The following GRM7 variants were observed in gnomAD, a reference collection of about 807,000 sequenced individuals.
GRM7 encodes glutamate metabotropic receptor 7.
Under a neutral mutation model 84.5 loss-of-function variants are expected in GRM7, and 35 were observed. That is an observed-to-expected ratio of 0.41 (90% confidence interval 0.32 to 0.55). The LOEUF (loss-of-function observed/expected upper bound fraction) is 0.55, where lower values mean the gene tolerates loss of function less well. Among genes scored for constraint, GRM7 ranks in the 20% least tolerant of loss-of-function variants. GRM7 has a pLI of 0.19. For synonymous variants in GRM7, 487 were observed against 455.1 expected (o/e 1.07, Z -0.89); for missense variants, 1,003 against 1,194.6 (o/e 0.84, Z 2.36).
At chr3:7,049,265 AG>A (rs1267367315) in intron 1 of GRM7, among the ~76,000 whole-genome samples, 8 of 152,004 alleles carry the variant, frequency 5.3e-5, no homozygotes, top group Admixed American at 1.3e-4. Flanking sequence ...TGCGCAATTT[AG>A]AAACAAAAGA....
At chr3:7,274,444 T>C (rs1030744119) in intron 2 of GRM7, among the ~76,000 whole-genome samples, 1 of 152,128 alleles carries the variant, frequency 6.6e-6, no homozygotes, top group African/African-American at 2.4e-5. Context: ...GCAGGCCTAC[T>C]GGAAATAAAT....
At chr3:7,041,168 A>G (rs1395765405) in intron 1 of GRM7, among the ~76,000 whole-genome samples, 1 of 152,154 alleles carries the variant, frequency 6.6e-6, no homozygotes, top group African/African-American at 2.4e-5. Flanking sequence ...TTAAGCACAA[A>G]TAAAGTGAAC....
intron 7 of GRM7, among the ~76,000 whole-genome samples, chr3:7,516,500 AAAAAAG>A (rs1482189291): frequency 3.4e-5 from 5 of 147,406 alleles, no homozygotes; most frequent in African/African-American, 1.3e-4. Flanking sequence ...AAAAAAAAAA[AAAAAAG>A]AAATAGTTAG....
At chr3:6,902,882 C>CACA (rs60680312) in intron 1 of GRM7, among the ~76,000 whole-genome samples, 2 of 150,280 alleles carry the variant, frequency 1.3e-5, no homozygotes, top group African/African-American at 4.9e-5. Flanking sequence ...CACACACACA[C>CACA]CCCTACTCTA....
chr3:7,595,760 A>G (rs1696011610), intron 8 of GRM7, among the ~76,000 whole-genome samples: 1 of 152,106 alleles, frequency 6.6e-6, no homozygotes, highest in Admixed American at 6.6e-5. Flanking sequence ...GGTAGGCGCC[A>G]AGGCAGGGGT....
At chr3:7,276,235 G>A (rs1280668387) in intron 2 of GRM7, among the ~76,000 whole-genome samples, 1 of 151,116 alleles carries the variant, frequency 6.6e-6, no homozygotes, top group South Asian at 2.1e-4. Context: ...GTGTGTGTGT[G>A]TGTGTGTGTG....
chr3:7,458,397 G>C (rs1390216269), intron 6 of GRM7, among the ~76,000 whole-genome samples: 1 of 152,146 alleles, frequency 6.6e-6, no homozygotes, highest in African/African-American at 2.4e-5. Flanking sequence ...TGAACACAAT[G>C]CTTCTTATTC....
intron 1 of GRM7, among the ~76,000 whole-genome samples, chr3:7,036,410 G>A (rs1452924585): frequency 6.6e-6 from 1 of 152,136 alleles, no homozygotes; most frequent in Admixed American, 6.5e-5. Context: ...ACGATGGCAT[G>A]AACAGTAATT....
chr3:7,576,713 A>G (rs894459691), intron 7 of GRM7, among the ~76,000 whole-genome samples: 4 of 152,248 alleles, frequency 2.6e-5, no homozygotes, highest in African/African-American at 9.6e-5. Flanking sequence ...AATTAACTAC[A>G]TATGGAGAAA....
chr3:7,086,378 A>G (rs74939956), intron 1 of GRM7, among the ~76,000 whole-genome samples: 1 of 147,200 alleles, frequency 6.8e-6, no homozygotes, highest in African/African-American at 2.6e-5. Context: ...GTATTCCTTT[A>G]AACACACTTT....
At chr3:7,717,914 A>G (rs1575665535) in intron 9 of GRM7, among the ~76,000 whole-genome samples, 1 of 152,240 alleles carries the variant, frequency 6.6e-6, no homozygotes, top group Non-Finnish European at 1.5e-5. Flanking sequence ...TTCAGAAGAA[A>G]GGACCTTACA....
chr3:6,901,959 A>G (rs1696402560), intron 1 of GRM7, among the ~76,000 whole-genome samples: 1 of 152,130 alleles, frequency 6.6e-6, no homozygotes, highest in Non-Finnish European at 1.5e-5. Context: ...ATGTTTGATA[A>G]GAACTTGTCT....
intron 9 of GRM7, among the ~76,000 whole-genome samples, chr3:7,688,394 AG>A (rs1700667512): frequency 6.6e-6 from 1 of 152,094 alleles, no homozygotes; most frequent in Non-Finnish European, 1.5e-5. Flanking sequence ...GGCTTTTATT[AG>A]TTTATTATTC....
chr3:7,382,670 T>C (rs951459706), intron 4 of GRM7, among the ~76,000 whole-genome samples: 3 of 152,136 alleles, frequency 2.0e-5, no homozygotes, highest in Non-Finnish European at 4.4e-5. Context: ...AGAGTAAGGA[T>C]TGAAAGGAAA....
chr3:7,619,579 C>T (rs6769007), intron 8 of GRM7, among the ~76,000 whole-genome samples: 13,715 of 151,824 alleles, frequency 0.09, 833 homozygotes, highest in African/African-American at 0.16. Context: ...GTAGAGGGGA[C>T]GGTCCTGCAA....
chr3:7,149,055 A>T (rs1694197182), intron 2 of GRM7, among the ~76,000 whole-genome samples: 1 of 152,116 alleles, frequency 6.6e-6, no homozygotes, highest in Non-Finnish European at 1.5e-5. Flanking sequence ...TTTAATAAGT[A>T]TCCTTCTTTT....
At chr3:7,415,408 G>C (rs190319378) in intron 5 of GRM7, among the ~76,000 whole-genome samples, 1 of 152,058 alleles carries the variant, frequency 6.6e-6, no homozygotes, top group Non-Finnish European at 1.5e-5. Context: ...GAATTCAGAA[G>C]GGGTCATGTT....
intron 7 of GRM7, among the ~76,000 whole-genome samples, chr3:7,512,419 T>C (rs1700239720): frequency 6.6e-6 from 1 of 152,210 alleles, no homozygotes; most frequent in Non-Finnish European, 1.5e-5. Context: ...GAAATGCAGT[T>C]TCTGGAGAGC....
At chr3:7,036,129 A>G (rs1180004690) in intron 1 of GRM7, among the ~76,000 whole-genome samples, 1 of 152,146 alleles carries the variant, frequency 6.6e-6, no homozygotes. Flanking sequence ...CTCCAAACCA[A>G]TTGTTCTTAC....
Sources: gnomAD v4.1 joint callset for allele counts (sites outside exome capture counted in the v4.1 genomes callset) on GRCh38, gnomAD v4.1.1 for gene constraint, MANE v1.5 for transcripts, NCBI Gene and HGNC (gene_info 2026-07-23, HGNC 2026-07-21) for gene names.